Variants in TDRD3 observed in about 807,000 individuals in gnomAD.
The protein encoded by TDRD3 is tudor domain-containing protein 3.
TDRD3 carries 45 observed loss-of-function variants against 86.7 expected under a neutral mutation model. The ratio of observed to expected loss-of-function variants is 0.52; its 90% CI spans 0.41 to 0.67. The LOEUF (loss-of-function observed/expected upper bound fraction) is 0.67. Among genes scored for constraint, TDRD3 ranks in the 30% least tolerant of loss-of-function variants. The pLI is 0.00. For missense variants in TDRD3, 814 were observed against 889.0 expected (o/e 0.92, Z 1.07); for synonymous variants, 298 against 301.7 (o/e 0.99, Z 0.13).
chr13:60,430,642 A>C (rs1954930984), intron 1 of TDRD3, among the ~76,000 whole-genome samples: 1 of 152,126 alleles, frequency 6.6e-6, no homozygotes. Context: ...ATAACAACAT[A>C]GTTAGGTTAC....
chr13:60,440,540 G>T (rs937746957), intron 2 of TDRD3, among the ~76,000 whole-genome samples: 9 of 152,030 alleles, frequency 5.9e-5, no homozygotes, highest in Non-Finnish European at 1.3e-4. Flanking sequence ...AATTAGCTGG[G>T]CGTGGTAGTG....
intron 10 of TDRD3, among the ~76,000 whole-genome samples, chr13:60,522,922 A>T (rs1957321494): frequency 6.6e-6 from 1 of 152,100 alleles, no homozygotes; most frequent in African/African-American, 2.4e-5. Flanking sequence ...TAATGGAAAA[A>T]TCATGTGTTT....
At chr13:60,464,140 G>C (rs2138067958) in intron 4 of TDRD3, among the ~76,000 whole-genome samples, 1 of 152,262 alleles carries the variant, frequency 6.6e-6, no homozygotes, top group East Asian at 1.9e-4. Context: ...ATTGGATGCT[G>C]ATGCCATGCT....
chr13:60,535,197 A>G lies in TDRD3; in HGVS notation c.2082A>G (p.Leu694=). The change falls in exon 12 of 14, where the codon CTA becomes CTG. Residue 694 remains leucine, a synonymous_variant. Coordinates refer to ENST00000377881, the MANE Select transcript of TDRD3 (RefSeq NM_001146070.2). ...ACTACGGAAACTATGAAGAGGTGCT[A>G]CTGAGCAATATCAAGCCCATTCAAA... is the stretch of plus-strand genomic sequence containing the variant. ...FIDYGNYEEV[L]LSNIKPIQTE... 2.5e-6 allele frequency: 4 copies of G among 1,613,962 alleles called. No individual in the cohort carries two copies. Among genetic ancestry groups the G allele is most frequent in the Non-Finnish European group, 3.4e-6 (4 of 1,179,872 alleles).
At chr13:60,518,798 A>C (rs1053023019) in intron 10 of TDRD3, among the ~76,000 whole-genome samples, 3 of 152,182 alleles carry the variant, frequency 2.0e-5, no homozygotes, top group Non-Finnish European at 2.9e-5. Context: ...CCAAACCCAA[A>C]GGACCTGATT....
chr13:60,567,620 A>G lies in TDRD3; in HGVS notation c.2214A>G (p.Gln738=). The change falls in exon 13 of 14, where the codon CAA becomes CAG. Residue 738 remains glutamine (Q), a synonymous_variant. Coordinates refer to ENST00000377881, the MANE Select transcript of TDRD3 (RefSeq NM_001146070.2). ...CTCGGCCAACCCAACAGTTTTACCA[A>G]CCACCCCGGGCTCGGAACTAATAGG... is the stretch of plus-strand genomic sequence containing the variant. The part of the protein sequence containing the change: ...RSTRPTQQFY[Q]PPRARN The G allele has an allele frequency of 1.9e-6, 3 of 1,614,148 alleles. No individual in the cohort carries two copies. Among genetic ancestry groups the G allele is most frequent in the Non-Finnish European group, 2.5e-6 (3 of 1,180,032 alleles).
chr13:60,468,973 A>G (rs1477932964), intron 5 of TDRD3, among the ~76,000 whole-genome samples: 1 of 152,152 alleles, frequency 6.6e-6, no homozygotes, highest in Non-Finnish European at 1.5e-5. Flanking sequence ...TTTGTGATAC[A>G]CTACTCTCTC....
chr13:60,505,416 G>A (rs1303113001), intron 8 of TDRD3, among the ~76,000 whole-genome samples: 2 of 152,198 alleles, frequency 1.3e-5, no homozygotes, highest in African/African-American at 4.8e-5. Context: ...GAGGGCATTT[G>A]TCAAAGAAAG....
chr13:60,409,993 G>T (rs927744599), intron 1 of TDRD3, among the ~76,000 whole-genome samples: 10 of 152,154 alleles, frequency 6.6e-5, no homozygotes, highest in African/African-American at 2.2e-4. Flanking sequence ...AATCATGGGG[G>T]CCAGTCTTTC....
chr13:60,473,754 G>C (rs897788357), intron 5 of TDRD3, among the ~76,000 whole-genome samples: 1 of 152,196 alleles, frequency 6.6e-6, no homozygotes, highest in African/African-American at 2.4e-5. Context: ...TGCCCGGACA[G>C]GGCCACTAGA....
At chr13:60,558,806 T>TC (rs1421648579) in intron 12 of TDRD3, among the ~76,000 whole-genome samples, 5 of 151,722 alleles carry the variant, frequency 3.3e-5, no homozygotes, top group Non-Finnish European at 5.9e-5. Context: ...ACCCCACCTC[T>TC]CCCCAAAACA....
At chr13:60,527,861 G>A (rs1432068527) in intron 10 of TDRD3, among the ~76,000 whole-genome samples, 1 of 152,044 alleles carries the variant, frequency 6.6e-6, no homozygotes, top group Non-Finnish European at 1.5e-5. Context: ...ATATCTGTTT[G>A]TAACGTAAAC....
At chr13:60,529,666 ATAAGT>A (rs1392441699) in intron 11 of TDRD3, among the ~76,000 whole-genome samples, 1 of 152,042 alleles carries the variant, frequency 6.6e-6, no homozygotes, top group African/African-American at 2.4e-5. Context: ...AAGTTAACAT[ATAAGT>A]TAATTATTTA....
At chr13:60,534,364 T>C (rs1484793067) in intron 11 of TDRD3, among the ~76,000 whole-genome samples, 1 of 152,074 alleles carries the variant, frequency 6.6e-6, no homozygotes, top group Non-Finnish European at 1.5e-5. Flanking sequence ...ATTAAGTAAA[T>C]CAGTTCCTTG....
rs749044387 is a variant in TDRD3 at position 60,509,763 on chromosome 13, G to A, written c.859G>A (p.Val287Ile). Residue 287 changes from valine to isoleucine, a missense_variant and splice_region_variant, in exon 9 of 14, where the codon GTT (valine) becomes ATT (isoleucine). Transcript: ENST00000377881. ...CAGCTTTTCTCTTTATTCCTTCCAG[G>A]TTGATGAGAAAGCTCTGAAGCACAT... ...GKHEGVYREL[V>I]DEKALKHITE... The A allele has an allele frequency of 4.3e-6, 7 of 1,613,614 alleles. No individual in the cohort carries two copies. The highest frequency in any genetic ancestry group is 2.7e-5 in the African/African-American group (2 of 75,020).
chr13:60,479,676 C>T (rs1376884660), intron 5 of TDRD3, among the ~76,000 whole-genome samples: 2 of 152,084 alleles, frequency 1.3e-5, no homozygotes, highest in Non-Finnish European at 2.9e-5. Flanking sequence ...TCTGGGTGCT[C>T]CAGTGTTGGG....
Position 60,494,311 on chromosome 13 carries a change from T to G in TDRD3, c.718-124T>G, listed in dbSNP as rs527379132. 5.4e-5 allele frequency: 58 copies of G among 1,067,394 alleles called. 1 individual carries two copies. The East Asian group carries it at 1.5e-3, about 28-fold the overall frequency. 66.1% of individuals were successfully genotyped at this position (1,067,394 alleles called of 1,614,324 possible). ...CAAAAGGAGTAAGTTAATATTTTAT[T>G]TTTTCATGTAAAACATAATTAGGAA... On this transcript the variant is annotated intron_variant, in intron 7 of 13. Transcript: ENST00000377881.
intron 10 of TDRD3, among the ~76,000 whole-genome samples, chr13:60,516,755 G>A (rs547486000): frequency 6.6e-6 from 1 of 152,298 alleles, no homozygotes; most frequent in South Asian, 2.1e-4. Context: ...AGATGCAACA[G>A]CATCCTCCAC....
At chr13:60,477,802 C>T (rs1447779629) in intron 5 of TDRD3, among the ~76,000 whole-genome samples, 4 of 152,126 alleles carry the variant, frequency 2.6e-5, no homozygotes, top group African/African-American at 4.8e-5. Context: ...TTCTCATCTA[C>T]GTGCATCAGG....
Sources: allele counts gnomAD v4.1 joint callset (sites outside exome capture counted in the v4.1 genomes callset), GRCh38; gene constraint gnomAD v4.1.1; transcripts MANE v1.5; gene names NCBI Gene and HGNC (gene_info 2026-07-23, HGNC 2026-07-21).